Variants in TLK1 observed in about 807,000 individuals in gnomAD.
TLK1 encodes the protein tousled like kinase 1, also known as serine/threonine-protein kinase tousled-like 1.
A neutral mutation model predicts 105.3 loss-of-function variants in TLK1; 24 were observed. The observed-to-expected ratio is 0.23, with a 90% CI of 0.17 to 0.32. TLK1 has a LOEUF of 0.32. TLK1 is among the 10% of genes least tolerant of loss of function. The pLI is 1.00. For missense variants in TLK1, 558 were observed against 910.5 expected (o/e 0.61, Z 4.98); for synonymous variants, 321 against 310.4 (o/e 1.03, Z -0.36).
chr2:171,151,212 T>C (rs1003627034), intron 1 of TLK1, among the ~76,000 whole-genome samples: 1 of 151,752 alleles, frequency 6.6e-6, no homozygotes, highest in African/African-American at 2.4e-5. Context: ...AGAGACAGGG[T>C]TTCACCATGT....
At chr2:171,108,805 A>G (rs946323359) in intron 2 of TLK1, among the ~76,000 whole-genome samples, 8 of 152,110 alleles carry the variant, frequency 5.3e-5, no homozygotes, top group Non-Finnish European at 7.4e-5. Flanking sequence ...CATGTTGCCC[A>G]GGCTGGTCTC....
intron 1 of TLK1, among the ~76,000 whole-genome samples, chr2:171,218,979 ATTG>A (rs1693761852): frequency 6.6e-6 from 1 of 152,146 alleles, no homozygotes; most frequent in African/African-American, 2.4e-5. Context: ...TGAGGTAGGT[ATTG>A]TTTTCTAGCC....
intron 2 of TLK1, among the ~76,000 whole-genome samples, chr2:171,102,873 C>T (rs752882646): frequency 6.6e-6 from 1 of 151,524 alleles, no homozygotes; most frequent in Non-Finnish European, 1.5e-5. Context: ...GTTTCCATTA[C>T]GAGAAGGGAA....
At chr2:171,166,394 A>G (rs973810624) in intron 1 of TLK1, among the ~76,000 whole-genome samples, 12 of 152,266 alleles carry the variant, frequency 7.9e-5, no homozygotes, top group African/African-American at 2.7e-4. Context: ...TAACCTGCTC[A>G]TAAACATCTG....
chr2:171,109,441 G>T (rs1322659082), intron 2 of TLK1, among the ~76,000 whole-genome samples: 1 of 152,102 alleles, frequency 6.6e-6, no homozygotes, highest in African/African-American at 2.4e-5. Context: ...AGCAGTTCCT[G>T]GAGGGACAGC....
At chr2:171,077,441 C>T (rs879912717) in intron 3 of TLK1, among the ~76,000 whole-genome samples, 1 of 152,212 alleles carries the variant, frequency 6.6e-6, no homozygotes, top group Non-Finnish European at 1.5e-5. Flanking sequence ...GATACTGTCT[C>T]CCTTCCTTCA....
chr2:171,190,129 T>C (rs568443461), intron 1 of TLK1, among the ~76,000 whole-genome samples: 1 of 152,314 alleles, frequency 6.6e-6, no homozygotes, highest in Admixed American at 6.5e-5. Flanking sequence ...CATTCGAACT[T>C]CTCCACCCTC....
In TLK1 at chr2:171,160,461, T is replaced by C. The variant is rs768152516; in HGVS notation, c.-33A>G. ...CTTTCTGGGAACCCGACTCCCCCCC[T>C]GCGACGGCAGCGGCGGCAACGGCAC... On this transcript the variant is annotated 5_prime_UTR_variant, in exon 1 of 21. Transcript: ENST00000431350. The surrounding 1 kb of genome is among the most constrained non-coding windows in gnomAD (Gnocchi z 4.4). 2.5e-6 allele frequency: 4 copies of C among 1,581,388 alleles called. No individual in the cohort carries two copies. The highest frequency in any genetic ancestry group is 3.4e-6 in the Non-Finnish European group (4 of 1,167,368).
At chr2:171,112,726 C>T (rs1193213936) in intron 2 of TLK1, among the ~76,000 whole-genome samples, 1 of 152,000 alleles carries the variant, frequency 6.6e-6, no homozygotes. Context: ...AGCAAGACTG[C>T]CAGATACAAG....
chr2:170,994,464 T>C lies in TLK1; in HGVS notation c.2125-508A>G, dbSNP rs1683952022. 3.3e-5 allele frequency among the ~76,000 whole-genome samples: 5 copies of C among 149,650 alleles called. No homozygotes were observed. In the South Asian group the frequency reaches 1.1e-3, roughly 31 times the overall value. On this transcript the variant is annotated intron_variant, in intron 20 of 20. Transcript: ENST00000431350. ...TCATTACACTCCTGGAAAAGCTAAATAAACAGAATATAATCACTATTTTTT... is the reference window on the plus strand; with the variant it reads ...TCATTACACTCCTGGAAAAGCTAAACAAACAGAATATAATCACTATTTTTT...
intron 3 of TLK1, chr2:171,081,770 T>A (rs1575582472): frequency 8.6e-7 from 1 of 1,165,148 alleles, no homozygotes; most frequent in Non-Finnish European, 1.1e-6. Flanking sequence ...AGTGTCAGGG[T>A]GCCTGCACAG....
chr2:171,049,585 A>G lies in TLK1; in HGVS notation c.980+229T>C, dbSNP rs531474886. ...TAAAGGTTCAATTAATATCTCGGAAAGTCAGAATTAGAATAATATATTACA... is the reference window on the plus strand; with the variant it reads ...TAAAGGTTCAATTAATATCTCGGAAGGTCAGAATTAGAATAATATATTACA... On this transcript the variant is annotated intron_variant, in intron 10 of 20. Coordinates refer to ENST00000431350, the MANE Select transcript of TLK1 (RefSeq NM_012290.5). Among the ~76,000 whole-genome samples, 16 of 152,324 alleles carry G rather than the reference A, an allele frequency of 1.1e-4. 1 individual carries two copies. The South Asian group carries it at 3.3e-3, about 32-fold the overall frequency.
At chr2:171,067,845 C>G (rs1210040702) in intron 3 of TLK1, among the ~76,000 whole-genome samples, 1 of 152,018 alleles carries the variant, frequency 6.6e-6, no homozygotes, top group Non-Finnish European at 1.5e-5. Context: ...CTGTTCAACT[C>G]CCACTTAAGA....
intron 1 of TLK1, among the ~76,000 whole-genome samples, chr2:171,146,211 C>T (rs887078932): frequency 1.2e-4 from 18 of 152,038 alleles, no homozygotes; most frequent in African/African-American, 4.1e-4. Context: ...GAAGTCCTAG[C>T]TATTTAGGAG....
At chr2:171,080,499 A>C (rs1208710997) in intron 3 of TLK1, among the ~76,000 whole-genome samples, 1 of 149,810 alleles carries the variant, frequency 6.7e-6, no homozygotes. Flanking sequence ...AAAACCTGGG[A>C]ATCATTTTCC....
intron 3 of TLK1, among the ~76,000 whole-genome samples, chr2:171,078,855 T>C (rs1181766791): frequency 6.6e-6 from 1 of 152,246 alleles, no homozygotes; most frequent in East Asian, 1.9e-4. Context: ...TTGGGTTTCA[T>C]GTCCCTCCAA....
intron 20 of TLK1, among the ~76,000 whole-genome samples, chr2:170,994,513 G>C (rs1192959658): frequency 7.4e-6 from 1 of 135,666 alleles, no homozygotes; most frequent in Non-Finnish European, 1.6e-5. Context: ...ATTTTACTCA[G>C]TTTTTCTTTG....
chr2:171,176,666 C>G (rs938881132), intron 1 of TLK1, among the ~76,000 whole-genome samples: 1 of 152,126 alleles, frequency 6.6e-6, no homozygotes, highest in African/African-American at 2.4e-5. Flanking sequence ...TCATCTCTTA[C>G]TGAGCTAAAA....
chr2:171,186,252 G>A (rs1693022857), intron 1 of TLK1, among the ~76,000 whole-genome samples: 1 of 152,200 alleles, frequency 6.6e-6, no homozygotes, highest in African/African-American at 2.4e-5. Context: ...GATTCAGTGA[G>A]ATACCTCTCC....
Sources: gnomAD v4.1 joint callset for allele counts (sites outside exome capture counted in the v4.1 genomes callset) on GRCh38, gnomAD v4.1.1 for gene constraint, Gnocchi (gnomAD v3.1) non-coding constraint, MANE v1.5 for transcripts, NCBI Gene and HGNC (gene_info 2026-07-23, HGNC 2026-07-21) for gene names.